The following ACP3 variants were observed in gnomAD, a reference collection of about 807,000 sequenced individuals.
ACP3 encodes prostatic acid phosphatase.
Under a neutral mutation model 45.6 loss-of-function variants are expected in ACP3, and 38 were observed. The observed-to-expected ratio is 0.83, with a 90% CI of 0.64 to 1.09. The LOEUF (loss-of-function observed/expected upper bound fraction) is 1.09, where lower values mean the gene tolerates loss of function less well. ACP3 is among the 50% of genes least tolerant of loss of function. The pLI is 0.00. For synonymous variants in ACP3, 162 were observed against 164.7 expected, an observed-to-expected ratio of 0.98 and a Z score of 0.13; for missense variants, 466 against 463.2, an observed-to-expected ratio of 1.01 and a Z score of -0.05.
chr3:132,355,370 C>A (rs1387173368), intron 9 of ACP3, among the ~76,000 whole-genome samples: 1 of 152,156 alleles, frequency 6.6e-6, no homozygotes, highest in African/African-American at 2.4e-5. Flanking sequence ...TAGGCCATAT[C>A]ATCTTAAGAC....
Position 132,331,667 on chromosome 3 carries a change from T to C in ACP3, c.237T>C (p.Tyr79=), listed in dbSNP as rs764784791. The C allele has an allele frequency of 9.3e-6, 15 of 1,604,890 alleles. No individual in the cohort carries two copies. The highest frequency in any genetic ancestry group is 8.0e-5 in the South Asian group (7 of 87,722). The change falls in exon 3 of 10, where the codon TAT becomes TAC. Residue 79 remains tyrosine, a synonymous_variant. Coordinates refer to ENST00000336375, the MANE Select transcript of ACP3 (RefSeq NM_001099.5). The stretch of plus-strand genomic sequence containing the variant: ...CATAGCTGGGCATGGAGCAGCATTA[T>C]GAACTTGGAGAGTATATAAGAAAGA... ...QLTQLGMEQH[Y]ELGEYIRKRY... is the part of the protein sequence containing the mutation.
chr3:132,328,302 C>G lies in ACP3; in HGVS notation c.156C>G (p.Thr52=). The change falls in exon 2 of 10, where the codon ACC becomes ACG. Residue 52 remains threonine (T), a synonymous_variant. Coordinates refer to ENST00000336375, the MANE Select transcript of ACP3 (RefSeq NM_001099.5). Reference sequence around the variant, plus strand: ...ATGGAGACCGAAGTCCCATTGACACCTTTCCCACTGACCCCATAAAGGAAT... The same window carrying G: ...ATGGAGACCGAAGTCCCATTGACACGTTTCCCACTGACCCCATAAAGGAAT... The part of the protein sequence containing the change: ...FRHGDRSPID[T]FPTDPIKESS... 1 of 1,614,000 alleles carries G rather than the reference C, an allele frequency of 6.2e-7. No homozygotes were observed. The highest frequency in any genetic ancestry group is 8.5e-7 in the Non-Finnish European group (1 of 1,179,894).
rs1937919376 is a variant in ACP3, at chr3:132,356,964, A to G, written c.*86A>G. On this transcript the variant is annotated 3_prime_UTR_variant, in exon 10 of 10. Transcript: ENST00000336375. ...AGAACATACTTTGGCCATTACCCCC[A>G]GCTTTGAGGAAAATGGGCTTTGGAT... 2.0e-6 allele frequency: 3 copies of G among 1,479,312 alleles called. No homozygotes were observed. The highest frequency in any genetic ancestry group is 2.7e-6 in the Non-Finnish European group (3 of 1,115,342). 91.6% of individuals were successfully genotyped at this position (1,479,312 alleles called of 1,614,324 possible).
chr3:132,350,107 C>A, intron 8 of ACP3, 105 bp downstream of exon 8: 1 of 748,854 alleles, frequency 1.3e-6, no homozygotes, highest in Non-Finnish European at 2.3e-6. Context: ...TCTCCTTGTA[C>A]GTGGTAGGCA....
chr3:132,325,594 A>AC, intron 1 of ACP3, among the ~76,000 whole-genome samples: 1 of 146,536 alleles, frequency 6.8e-6, no homozygotes, highest in Non-Finnish European at 1.5e-5. Context: ...TTCTGATACA[A>AC]AACACACACA....
At position 132,344,954 on chromosome 3, in the gene ACP3, T is replaced by G. The variant is rs17856253; in HGVS notation, c.676T>G (p.Trp226Gly). The change falls in exon 7 of 10, where the codon TGG becomes GGG. Residue 226 changes from tryptophan to glycine, a missense_variant. Physicochemically the swap from Trp to Gly is radical, Grantham distance 184. Transcript: ENST00000336375. ...TGTTCACAATTTCACTTTACCCTCC[T>G]GGGCCACTGAGGACACCATGACTAA... ...ESVHNFTLPSWATEDTMTKLR... is the reference protein window; with the variant it reads ...ESVHNFTLPSGATEDTMTKLR... 2 of 1,613,922 alleles carry G rather than the reference T, an allele frequency of 1.2e-6. No homozygotes were observed. Among genetic ancestry groups the G allele is most frequent in the East Asian group, 2.2e-5 (1 of 44,856 alleles).
chr3:132,344,837 C>A, intron 6 of ACP3, 90 bp from the exon 7 acceptor site: 1 of 1,457,558 alleles, frequency 6.9e-7, no homozygotes, highest in Non-Finnish European at 9.3e-7. Flanking sequence ...TCTGGCCCTA[C>A]TAGTTCTTGT....
chr3:132,320,652 GT>G (rs5852699), intron 1 of ACP3, among the ~76,000 whole-genome samples: 73,331 of 132,754 alleles, frequency 0.55, 18,536 homozygotes, highest in African/African-American at 0.63. Flanking sequence ...ATATTCTTGG[GT>G]TTTTTTTTTT....
chr3:132,344,581 TATC>T (rs971895044), intron 6 of ACP3, among the ~76,000 whole-genome samples: 1 of 152,122 alleles, frequency 6.6e-6, no homozygotes, highest in African/African-American at 2.4e-5. Context: ...TTTAAGGAAA[TATC>T]ATTTAACTCT....
At chr3:132,360,916 C>T (rs979833873), downstream of ACP3, among the ~76,000 whole-genome samples, 4 of 152,198 alleles carry the variant, frequency 2.6e-5, no homozygotes, top group African/African-American at 9.7e-5. Flanking sequence ...TATTTGCTAA[C>T]TGAATACATG....
chr3:132,327,175 A>G (rs574798288), intron 1 of ACP3, among the ~76,000 whole-genome samples: 14 of 152,240 alleles, frequency 9.2e-5, no homozygotes, highest in Non-Finnish European at 1.9e-4. Flanking sequence ...ATTGGCTCAA[A>G]ATGGTCACAA....
chr3:132,367,037 A>G (rs1280275148), intron 10 of ACP3, among the ~76,000 whole-genome samples: 1 of 152,214 alleles, frequency 6.6e-6, no homozygotes, highest in Non-Finnish European at 1.5e-5. Context: ...ACATTTAGAG[A>G]TGGTACAAAC....
chr3:132,335,484 C>G (rs1169815659), intron 4 of ACP3, among the ~76,000 whole-genome samples: 1 of 152,184 alleles, frequency 6.6e-6, no homozygotes, highest in Non-Finnish European at 1.5e-5. Flanking sequence ...ATATGCCAAG[C>G]CCTGTGCTGG....
chr3:132,341,862 C>A (rs1486479803), intron 5 of ACP3, among the ~76,000 whole-genome samples: 1 of 152,194 alleles, frequency 6.6e-6, no homozygotes, highest in Non-Finnish European at 1.5e-5. Flanking sequence ...ATCAGACAGA[C>A]AATATCTTCC....
Position 132,342,561 on chromosome 3 carries a change from G to A in ACP3, c.565G>A (p.Ala189Thr). ...KRLHPYKDFI[A>T]TLGKLSGLHG... ...TCTGTTTGTGTTTCAGGATTTTATA[G>A]CTACCTTGGGAAAACTTTCAGGATT... Residue 189 changes from alanine (A) to threonine (T), a missense_variant, in exon 6 of 10, where the codon GCT becomes ACT. By Grantham distance (58) the Ala-to-Thr change is moderately conservative. Transcript: ENST00000336375. 1 of 1,610,960 alleles carries A rather than the reference G, an allele frequency of 6.2e-7. No individual in the cohort carries two copies. The highest frequency in any genetic ancestry group is 8.5e-7 in the Non-Finnish European group (1 of 1,178,724).
intron 7 of ACP3, among the ~76,000 whole-genome samples, chr3:132,349,228 C>T (rs150579958): frequency 6.6e-6 from 1 of 152,168 alleles, no homozygotes; most frequent in African/African-American, 2.4e-5. Flanking sequence ...ACCTCAGGAG[C>T]AACAGCAGTT....
chr3:132,329,226 C>A (rs1017926905), intron 2 of ACP3, among the ~76,000 whole-genome samples: 7 of 152,158 alleles, frequency 4.6e-5, no homozygotes, highest in African/African-American at 1.4e-4. Flanking sequence ...GTCACAGAAT[C>A]TTTAGAGTAG....
At chr3:132,326,819 G>A (rs760245944) in intron 1 of ACP3, among the ~76,000 whole-genome samples, 4 of 152,070 alleles carry the variant, frequency 2.6e-5, no homozygotes, top group East Asian at 1.9e-4. Context: ...GTACAGGTGC[G>A]GGTAACCTCA....
At chr3:132,344,477 C>T (rs1937586020) in intron 6 of ACP3, among the ~76,000 whole-genome samples, 1 of 151,506 alleles carries the variant, frequency 6.6e-6, no homozygotes, top group Admixed American at 6.6e-5. Flanking sequence ...AGTCAGCAAA[C>T]TAGACCTTGA....
Sources: allele counts gnomAD v4.1 joint callset (sites outside exome capture counted in the v4.1 genomes callset), GRCh38; gene constraint gnomAD v4.1.1; transcripts MANE v1.5; gene names NCBI Gene and HGNC (gene_info 2026-07-23, HGNC 2026-07-21).